The following ARHGAP35 variants were observed in gnomAD, a reference collection of about 807,000 sequenced individuals.
The protein encoded by ARHGAP35 is rho GTPase-activating protein 35.
ARHGAP35 carries 15 observed loss-of-function variants against 111.1 expected under a neutral mutation model. That is an observed-to-expected ratio of 0.13 (90% CI 0.09 to 0.21). ARHGAP35 has a LOEUF of 0.21. Ranked by LOEUF, ARHGAP35 falls within the 10% of genes least tolerant of loss-of-function variation. The pLI is 1.00. For missense variants in ARHGAP35, 1,262 were observed against 1,873.0 expected (o/e 0.67, Z 6.02); for synonymous variants, 643 against 710.3 (o/e 0.91, Z 1.51).
Position 46,920,509 on chromosome 19 carries a change from T to C in ARHGAP35, c.1834T>C (p.Leu612=). Reference sequence around the variant, plus strand: ...GGGCAAAGACGGCCTTGCCCGAGAGTTGGCCAATGAGATTCGAGCTCTTTG... The same window carrying C: ...GGGCAAAGACGGCCTTGCCCGAGAGCTGGCCAATGAGATTCGAGCTCTTTG... ...ILGKDGLARE[L]ANEIRALCTN... is the part of the protein sequence containing the mutation. The change falls in exon 2 of 7, where the codon TTG becomes CTG. Residue 612 remains leucine (L), a synonymous_variant. Coordinates refer to ENST00000672722, the MANE Select transcript of ARHGAP35 (RefSeq NM_004491.5). This position sits in a 1 kb window ranked among gnomAD's most constrained non-coding sequence, Gnocchi z 7.0. The C allele has an allele frequency of 6.2e-7, 1 of 1,613,434 alleles. No homozygotes were observed. Among genetic ancestry groups the C allele is most frequent in the Non-Finnish European group, 8.5e-7 (1 of 1,179,714 alleles).
chr19:46,874,851 G>A, intron 1 of ARHGAP35, among the ~76,000 whole-genome samples: 1 of 97,532 alleles, frequency 1.0e-5, no homozygotes, highest in East Asian at 3.0e-4. Context: ...TTGCTCTTTT[G>A]CCCAGGCTGG....
Position 46,922,055 on chromosome 19 carries a change from C to CTA in ARHGAP35, c.3380_3381insTA (p.Asn1128ThrfsTer17). On this transcript the variant is annotated frameshift_variant, in exon 2 of 7. Coordinates refer to ENST00000672722, the MANE Select transcript of ARHGAP35 (RefSeq NM_004491.5). LOFTEE classifies it high-confidence loss of function. This position sits in a 1 kb window ranked among gnomAD's most constrained non-coding sequence, Gnocchi z 4.0. The stretch of plus-strand genomic sequence containing the variant: ...ATTCGGAATATCAACAAAGCCCAGT[C>CTA]CAACGGCAGCGGGAATGGTTCTGAC... 1 of 1,614,032 alleles carries CTA rather than the reference C, an allele frequency of 6.2e-7. No homozygotes were observed.
rs2056681977 is a variant in ARHGAP35 at position 46,992,037 on chromosome 19, T to C, written c.4036+2362T>C. Among the ~76,000 whole-genome samples, 1 of 152,100 alleles carries C rather than the reference T, an allele frequency of 6.6e-6. No homozygotes were observed. The highest frequency in any genetic ancestry group is 2.4e-5 in the African/African-American group (1 of 41,408). On this transcript the variant is annotated intron_variant, in intron 5 of 6. Transcript: ENST00000672722. The surrounding 1 kb of genome is among the most constrained non-coding windows in gnomAD (Gnocchi z 4.4). ...AAAATGTACTCGCAAAATAGAGACGTTTGTGATTATTTGCCAGTTATTTTC... is the reference window on the plus strand; with the variant it reads ...AAAATGTACTCGCAAAATAGAGACGCTTGTGATTATTTGCCAGTTATTTTC...
At chr19:46,906,518 A>C (rs548687073) in intron 1 of ARHGAP35, among the ~76,000 whole-genome samples, 1 of 152,170 alleles carries the variant, frequency 6.6e-6, no homozygotes, top group East Asian at 1.9e-4. Context: ...TAGAAGGGGG[A>C]GATTGTATAG....
intron 3 of ARHGAP35, among the ~76,000 whole-genome samples, chr19:46,967,400 C>G (rs2056521711): frequency 6.6e-6 from 1 of 152,156 alleles, no homozygotes; most frequent in African/African-American, 2.4e-5. Context: ...CCACACCAGT[C>G]AACCTCATCA....
chr19:46,934,954 T>G lies in ARHGAP35; in HGVS notation c.3682-2310T>G, dbSNP rs184982935. On this transcript the variant is annotated intron_variant, in intron 2 of 6. Transcript: ENST00000672722. ...TCCCATAGTGCTAGGATTACAGGCA[T>G]TAGCCACCATGCCCAGCCTTAAATT... 6.6e-4 allele frequency among the ~76,000 whole-genome samples: 101 copies of G among 152,374 alleles called. 1 individual carries two copies. The highest frequency in any genetic ancestry group is 6.5e-3 in the Admixed American group (100 of 15,308).
In ARHGAP35 at chr19:46,982,114, C is replaced by A. The variant is rs140630660; in HGVS notation, c.3827-5875C>A. Reference sequence around the variant, plus strand: ...CCTCCCGCCTTGGCCTCCCAAAGTGCTGGGATTATAGGCGGGAACCATCAC... The same window carrying A: ...CCTCCCGCCTTGGCCTCCCAAAGTGATGGGATTATAGGCGGGAACCATCAC... On this transcript the variant is annotated intron_variant, in intron 3 of 6. Coordinates refer to ENST00000672722, the MANE Select transcript of ARHGAP35 (RefSeq NM_004491.5). Among the ~76,000 whole-genome samples, 238 of 151,708 alleles carry A rather than the reference C, an allele frequency of 1.6e-3. 3 individuals are homozygous for A. In the East Asian group the frequency reaches 0.04, roughly 26 times the overall value.
intron 2 of ARHGAP35, among the ~76,000 whole-genome samples, chr19:46,924,414 GTT>G (rs971524564): frequency 7.9e-5 from 12 of 152,350 alleles, no homozygotes; most frequent in Admixed American, 2.0e-4. Flanking sequence ...AGCTTCCAGA[GTT>G]TTCTCATCTG....
Position 46,999,588 on chromosome 19 carries a change from C to T in ARHGAP35, c.4142+179C>T, listed in dbSNP as rs2056734742. The T allele has an allele frequency of 8.5e-6, 5 of 589,830 alleles. No individual in the cohort carries two copies. The highest frequency in any genetic ancestry group is 3.7e-5 in the African/African-American group (2 of 53,640). 36.5% of individuals were successfully genotyped at this position (589,830 alleles called of 1,614,324 possible). A position where few individuals can be genotyped will look rare whatever the true frequency, so the allele number is the denominator to read the frequency against. Reference sequence around the variant, plus strand: ...CTCGGTGCCCAGAGCCTCTGCCTCTCGCCCATCCTCAGGCCTCCCTCCTGC... The same window carrying T: ...CTCGGTGCCCAGAGCCTCTGCCTCTTGCCCATCCTCAGGCCTCCCTCCTGC... On this transcript the variant is annotated intron_variant, in intron 6 of 6. Coordinates refer to ENST00000672722, the MANE Select transcript of ARHGAP35 (RefSeq NM_004491.5). This position sits in a 1 kb window ranked among gnomAD's most constrained non-coding sequence, Gnocchi z 5.4.
intron 3 of ARHGAP35, among the ~76,000 whole-genome samples, chr19:46,978,759 G>T (rs1316209739): frequency 2.1e-5 from 3 of 141,970 alleles, no homozygotes; most frequent in Non-Finnish European, 4.6e-5. Flanking sequence ...TGTGTGTGGT[G>T]GGGCATGTGT....
rs78309382 is a variant in ARHGAP35, at chr19:46,941,004, G to A, written c.3826+3596G>A. 1.2e-4 allele frequency among the ~76,000 whole-genome samples: 18 copies of A among 152,236 alleles called. No homozygotes were observed. The East Asian group carries it at 3.5e-3, about 29-fold the overall frequency. On this transcript the variant is annotated intron_variant, in intron 3 of 6. Coordinates refer to ENST00000672722, the MANE Select transcript of ARHGAP35 (RefSeq NM_004491.5). ...ATCCTCCTTCCCGGACTCAGGAACAGCAAGACTGTTACTATGCCATTGTCC... is the reference window on the plus strand; with the variant it reads ...ATCCTCCTTCCCGGACTCAGGAACAACAAGACTGTTACTATGCCATTGTCC...
At chr19:46,972,701 T>A (rs1447247133) in intron 3 of ARHGAP35, among the ~76,000 whole-genome samples, 1 of 152,172 alleles carries the variant, frequency 6.6e-6, no homozygotes, top group Non-Finnish European at 1.5e-5. Context: ...AGGCTGGAGC[T>A]CACATTGCCA....
intron 1 of ARHGAP35, among the ~76,000 whole-genome samples, chr19:46,896,650 T>G (rs2056058298): frequency 6.6e-6 from 1 of 152,082 alleles, no homozygotes; most frequent in South Asian, 2.1e-4. Flanking sequence ...GCCACGTGTG[T>G]GGGCCTCAGA....
intron 1 of ARHGAP35, among the ~76,000 whole-genome samples, chr19:46,864,206 G>A (rs1008119591): frequency 2.0e-5 from 3 of 152,190 alleles, no homozygotes; most frequent in Non-Finnish European, 4.4e-5. Flanking sequence ...TGAGAAATGC[G>A]TCTTGGCTAC....
chr19:46,896,336 C>G (rs1395982720), intron 1 of ARHGAP35, among the ~76,000 whole-genome samples: 1 of 152,192 alleles, frequency 6.6e-6, no homozygotes, highest in African/African-American at 2.4e-5. Flanking sequence ...GTGGTTATTG[C>G]GCCACTGCAC....
In ARHGAP35 at chr19:47,003,729, C is replaced by T. The variant is rs1378748372; in HGVS notation, c.*3041C>T. 1 of 152,206 alleles carries T rather than the reference C, an allele frequency of 6.6e-6. No individual in the cohort carries two copies. Among genetic ancestry groups the T allele is most frequent in the Non-Finnish European group, 1.5e-5 (1 of 68,050 alleles). 9.4% of individuals were successfully genotyped at this position (152,206 alleles called of 1,614,324 possible). A position where few individuals can be genotyped will look rare whatever the true frequency, so the allele number is the denominator to read the frequency against. On this transcript the variant is annotated 3_prime_UTR_variant, in exon 7 of 7. Transcript: ENST00000672722. ...GGCACCTGCTGCGACCCAGATTCTT[C>T]TGCAGGATGTGTCTGTCTTTGTCAC...
Position 46,919,414 on chromosome 19 carries a change from A to G in ARHGAP35, c.739A>G (p.Ile247Val). 4 of 1,614,022 alleles carry G rather than the reference A, an allele frequency of 2.5e-6. No individual in the cohort carries two copies. Among genetic ancestry groups the G allele is most frequent in the Non-Finnish European group, 3.4e-6 (4 of 1,179,890 alleles). The stretch of plus-strand genomic sequence containing the variant: ...GGCTTTCAGCACCTTAGTGCAACTC[A>G]TTGATAAAAGTCGGGGAAAGACAAA... ...DLAFSTLVQL[I>V]DKSRGKTKII... The change falls in exon 2 of 7, where the codon ATT (isoleucine) becomes GTT (valine). Residue 247 changes from isoleucine (I) to valine (V), a missense_variant. Physicochemically the swap from Ile to Val is conservative, Grantham distance 29. Coordinates refer to ENST00000672722, the MANE Select transcript of ARHGAP35 (RefSeq NM_004491.5). The surrounding 1 kb of genome is among the most constrained non-coding windows in gnomAD (Gnocchi z 6.2).
Position 46,922,265 on chromosome 19 carries a change from G to A in ARHGAP35, c.3590G>A (p.Gly1197Asp). Residue 1197 changes from glycine (G) to aspartate (D), a missense_variant, in exon 2 of 7, where the codon GGT (glycine) becomes GAT (aspartate). Physicochemically the swap from Gly to Asp is moderately conservative, Grantham distance 94 (BLOSUM62 -1). This residue lies in a region of ARHGAP35 where 579 missense variants were observed against 716.9 expected (regional missense o/e 0.81). Transcript: ENST00000672722. The surrounding 1 kb of genome is among the most constrained non-coding windows in gnomAD (Gnocchi z 4.0). ...AAAGAGGAGGATCAGGCATCCCAGG[G>A]TTATAAAGGGGACAATGCTGTCATT... ...RKKEEDQASQGYKGDNAVIPY... is the reference protein window; with the variant it reads ...RKKEEDQASQDYKGDNAVIPY... 6.2e-7 allele frequency: 1 copy of A among 1,613,990 alleles called. No individual in the cohort carries two copies. The highest frequency in any genetic ancestry group is 8.5e-7 in the Non-Finnish European group (1 of 1,179,892).
At chr19:46,870,255 C>CT (rs1276339729) in intron 1 of ARHGAP35, among the ~76,000 whole-genome samples, 1 of 150,746 alleles carries the variant, frequency 6.6e-6, no homozygotes, top group Non-Finnish European at 1.5e-5. Context: ...GGCTTGTATA[C>CT]TTTTTTTAAT....
Sources: allele counts gnomAD v4.1 joint callset (sites outside exome capture counted in the v4.1 genomes callset), GRCh38; gene constraint gnomAD v4.1.1; regional missense constraint gnomAD v4.1.1; non-coding constraint Gnocchi (gnomAD v3.1); transcripts MANE v1.5; gene names NCBI Gene and HGNC (gene_info 2026-07-23, HGNC 2026-07-21).